The following HEXB variants were observed in gnomAD, a reference collection of about 807,000 sequenced individuals.
HEXB encodes hexosaminidase subunit beta.
In HEXB, 51 loss-of-function variants were observed where a neutral mutation model predicts 71.2. The ratio of observed to expected loss-of-function variants is 0.72; its 90% CI spans 0.57 to 0.90. HEXB has a LOEUF of 0.90. Among genes scored for constraint, HEXB ranks in the 40% least tolerant of loss-of-function variants. The pLI is 0.00. For missense variants in HEXB, 617 were observed against 677.0 expected (o/e 0.91, Z 0.98); for synonymous variants, 266 against 249.3 (o/e 1.07, Z -0.63).
Position 74,721,237 on chromosome 5 carries a change from G to GTAAAATAAGATATTAGACTGTTT in HEXB, c.*64_*86dup. 3.1e-6 allele frequency: 4 copies of GTAAAATAAGATATTAGACTGTTT among 1,278,258 alleles called. No homozygotes were observed. Among genetic ancestry groups the GTAAAATAAGATATTAGACTGTTT allele is most frequent in the South Asian group, 2.4e-5 (2 of 83,926 alleles). 79.2% of individuals were successfully genotyped at this position (1,278,258 alleles called of 1,614,324 possible). On this transcript the variant is annotated 3_prime_UTR_variant, in exon 14 of 14. Transcript: ENST00000261416. ...ACAATCAACTTTATTTTGAAATCAT[G>GTAAAATAAGATATTAGACTGTTT]TAAAATAAGATATTAGACTGTTTTT...
Position 74,713,592 on chromosome 5 carries a change from G to T in HEXB, c.858G>T (p.Leu286=). ...EYARLRGIRV[L]PEFDTPGHTL... ...CCAGATTACGAGGAATTCGAGTCCT[G>T]CCAGAATTTGATACCCCTGGGCATA... is the stretch of plus-strand genomic sequence containing the variant. Residue 286 remains leucine, a synonymous_variant, in exon 7 of 14, where the codon CTG becomes CTT. Coordinates refer to ENST00000261416, the MANE Select transcript of HEXB (RefSeq NM_000521.4). 4.3e-6 allele frequency: 7 copies of T among 1,613,450 alleles called. No homozygotes were observed. The highest frequency in any genetic ancestry group is 1.3e-5 in the African/African-American group (1 of 75,026).
At chr5:74,702,412 G>A (rs1174397905) in intron 5 of HEXB, among the ~76,000 whole-genome samples, 2 of 152,142 alleles carry the variant, frequency 1.3e-5, no homozygotes, top group African/African-American at 2.4e-5. Flanking sequence ...TTTTTGAAGA[G>A]TATAGGCCAG....
At position 74,720,739 on chromosome 5, in the gene HEXB, G is replaced by A. The variant is rs1226459302; in HGVS notation, c.1605G>A (p.Arg535=). The change falls in exon 13 of 14, where the codon AGG becomes AGA. Residue 535 remains arginine (R), a synonymous_variant. Coordinates refer to ENST00000261416, the MANE Select transcript of HEXB (RefSeq NM_000521.4). ...AYDRLTRHRC[R]MVERGIAAQP... is the part of the protein sequence containing the mutation. The stretch of plus-strand genomic sequence containing the variant: ...ACAGACTGACAAGGCACCGCTGCAG[G>A]ATGGTCGAGTAAGAAATCTATTAAG... The A allele has an allele frequency of 1.2e-6, 2 of 1,612,576 alleles. No individual in the cohort carries two copies. The highest frequency in any genetic ancestry group is 1.7e-6 in the Non-Finnish European group (2 of 1,178,696).
intron 1 of HEXB, among the ~76,000 whole-genome samples, chr5:74,657,300 C>A (rs1748238514): frequency 6.6e-6 from 1 of 152,172 alleles, no homozygotes; most frequent in South Asian, 2.1e-4. Context: ...ATACCCACCA[C>A]TCTCCAGCCT....
At chr5:74,699,760 A>G (rs898697261) in intron 5 of HEXB, among the ~76,000 whole-genome samples, 15 of 151,976 alleles carry the variant, frequency 9.9e-5, no homozygotes, top group African/African-American at 3.6e-4. Flanking sequence ...AGATGTATAT[A>G]TTTTATTTTT....
intron 1 of HEXB, among the ~76,000 whole-genome samples, chr5:74,647,585 A>G (rs899026980): frequency 1.3e-5 from 2 of 152,368 alleles, no homozygotes; most frequent in Non-Finnish European, 2.9e-5. Flanking sequence ...TGAAAACACG[A>G]CATGAACAAG....
At position 74,715,572 on chromosome 5, in the gene HEXB, A is replaced by C. The variant is rs775204159; in HGVS notation, c.964A>C (p.Ile322Leu). 3 of 1,612,480 alleles carry C rather than the reference A, an allele frequency of 1.9e-6. No individual in the cohort carries two copies. Among genetic ancestry groups the C allele is most frequent in the Non-Finnish European group, 2.5e-6 (3 of 1,178,494 alleles). ...AAACAAGTTGGACTCTTTTGGACCT[A>C]TAAACCCTACTCTGAATACAACATA... The part of the protein sequence containing the change: ...RQNKLDSFGP[I>L]NPTLNTTYSF... The change falls in exon 8 of 14, where the codon ATA (isoleucine) becomes CTA (leucine). Residue 322 changes from isoleucine (I) to leucine (L), a missense_variant. Ile to Leu is a conservative substitution (Grantham distance 5). Coordinates refer to ENST00000261416, the MANE Select transcript of HEXB (RefSeq NM_000521.4).
intron 1 of HEXB, among the ~76,000 whole-genome samples, chr5:74,671,365 C>T (rs1331277108): frequency 1.3e-5 from 2 of 151,996 alleles, no homozygotes; most frequent in East Asian, 3.9e-4. Context: ...TGGATACGCA[C>T]TACAACCTGG....
chr5:74,709,987 AAGAGAATTTT>A (rs534524784), intron 6 of HEXB, among the ~76,000 whole-genome samples: 9,169 of 151,996 alleles, frequency 0.06, 591 homozygotes, highest in African/African-American at 0.16. Flanking sequence ...ACAACCAAAA[AAGAGAATTTT>A]AGACCAATAT....
intron 6 of HEXB, among the ~76,000 whole-genome samples, chr5:74,711,695 A>G (rs1003297681): frequency 2.6e-5 from 4 of 152,118 alleles, no homozygotes; most frequent in African/African-American, 9.7e-5. Context: ...GCTCATCATC[A>G]CTGGCCGTCA....
intron 5 of HEXB, among the ~76,000 whole-genome samples, chr5:74,703,074 T>C (rs1749300839): frequency 6.6e-6 from 1 of 152,212 alleles, no homozygotes; most frequent in South Asian, 2.1e-4. Context: ...TGCCTCAGCC[T>C]CCTGAGTAGC....
intron 1 of HEXB, among the ~76,000 whole-genome samples, chr5:74,666,339 C>T (rs574623159): frequency 1.4e-5 from 2 of 141,154 alleles, no homozygotes; most frequent in East Asian, 4.0e-4. Flanking sequence ...ACTTAGTTGT[C>T]ATTTCACATG....
At chr5:74,668,723 T>C (rs556705143) in intron 1 of HEXB, among the ~76,000 whole-genome samples, 1 of 152,342 alleles carries the variant, frequency 6.6e-6, no homozygotes, top group East Asian at 1.9e-4. Flanking sequence ...CAAGTCATGA[T>C]CAAGAATAGG....
At chr5:74,651,686 C>T (rs535520453) in intron 1 of HEXB, among the ~76,000 whole-genome samples, 111 of 152,270 alleles carry the variant, frequency 7.3e-4, no homozygotes, top group Middle Eastern at 6.8e-3. Context: ...TACAAATAAC[C>T]GAGGTCTCTT....
chr5:74,659,546 A>T (rs529295218), intron 1 of HEXB, among the ~76,000 whole-genome samples: 2 of 152,302 alleles, frequency 1.3e-5, no homozygotes, highest in African/African-American at 4.8e-5. Flanking sequence ...AGAAAGAAAA[A>T]ATAGAAGGTG....
intron 1 of HEXB, among the ~76,000 whole-genome samples, chr5:74,666,848 C>T (rs550195924): frequency 3.9e-5 from 6 of 152,238 alleles, no homozygotes; most frequent in African/African-American, 1.4e-4. Context: ...AACACACACA[C>T]ATATATATAG....
intron 1 of HEXB, among the ~76,000 whole-genome samples, chr5:74,672,877 A>G (rs1286476651): frequency 6.6e-6 from 1 of 152,256 alleles, no homozygotes; most frequent in Non-Finnish European, 1.5e-5. Flanking sequence ...GGTAGGAGAC[A>G]TGCAGTTGCC....
rs996790953 is a variant in HEXB, at chr5:74,700,290, G to T, written c.669+3184G>T. Among the ~76,000 whole-genome samples the T allele has an allele frequency of 3.3e-5, 5 of 152,072 alleles. 1 individual carries two copies. In the Middle Eastern group the frequency reaches 0.017, roughly 517 times the overall value. On this transcript the variant is annotated intron_variant, in intron 5 of 13. Transcript: ENST00000261416. ...CTCAGAGTGCTAGGATTACAGGCATGAGCCACTGTGCCCAGCTGTAAGTTT... is the reference window on the plus strand; with the variant it reads ...CTCAGAGTGCTAGGATTACAGGCATTAGCCACTGTGCCCAGCTGTAAGTTT...
chr5:74,651,917 G>C (rs1000735313), intron 1 of HEXB, among the ~76,000 whole-genome samples: 1 of 152,148 alleles, frequency 6.6e-6, no homozygotes, highest in Non-Finnish European at 1.5e-5. Context: ...AATAAGTAAT[G>C]GGTTATTAAT....
Sources: allele counts gnomAD v4.1 joint callset (sites outside exome capture counted in the v4.1 genomes callset), GRCh38; gene constraint gnomAD v4.1.1; transcripts MANE v1.5; gene names NCBI Gene and HGNC (gene_info 2026-07-23, HGNC 2026-07-21).